Variants in CTNNA2 observed in about 807,000 individuals in gnomAD.
CTNNA2 encodes the protein catenin alpha 2, also known as catenin alpha-2.
CTNNA2 carries 42 observed loss-of-function variants against 101.0 expected under a neutral mutation model. The observed-to-expected ratio is 0.42, with a 90% confidence interval of 0.32 to 0.54. The LOEUF (loss-of-function observed/expected upper bound fraction) is 0.54, where lower values mean the gene tolerates loss of function less well. Ranked by LOEUF, CTNNA2 falls within the 20% of genes least tolerant of loss-of-function variation. The pLI, the probability that CTNNA2 is intolerant of heterozygous loss-of-function variation, is 0.14. For missense variants in CTNNA2, 871 were observed against 1,223.1 expected (o/e 0.71, Z 4.29); for synonymous variants, 450 against 456.4 (o/e 0.99, Z 0.18).
At chr2:80,621,760 A>AT (rs1671146635) in intron 18 of CTNNA2, among the ~76,000 whole-genome samples, 1 of 130,930 alleles carries the variant, frequency 7.6e-6, no homozygotes, top group African/African-American at 2.5e-5. Flanking sequence ...ACTATGGGGG[A>AT]TAAAAAAGTG....
chr2:80,323,817 C>G (rs1389990240), intron 7 of CTNNA2, among the ~76,000 whole-genome samples: 1 of 152,116 alleles, frequency 6.6e-6, no homozygotes, highest in Non-Finnish European at 1.5e-5. Flanking sequence ...TCCTAGACCA[C>G]TAGGGGTGGG....
At chr2:79,802,392 A>G (rs919877443) in intron 3 of CTNNA2, among the ~76,000 whole-genome samples, 2 of 152,304 alleles carry the variant, frequency 1.3e-5, no homozygotes, top group Non-Finnish European at 1.5e-5. Context: ...AAGTTGCCAA[A>G]TGGGTAACAT....
chr2:79,303,512 A>T (rs1676163267), intron 2 of CTNNA2, among the ~76,000 whole-genome samples: 1 of 152,110 alleles, frequency 6.6e-6, no homozygotes, highest in South Asian at 2.1e-4. Context: ...ATCCTGGTGG[A>T]CAACCTAATG....
intron 7 of CTNNA2, among the ~76,000 whole-genome samples, chr2:79,955,155 A>G (rs1402801461): frequency 6.6e-6 from 1 of 152,224 alleles, no homozygotes; most frequent in Non-Finnish European, 1.5e-5. Flanking sequence ...ATGGAGCAGT[A>G]TGACGTATTA....
chr2:80,501,221 T>G (rs1431240876), intron 9 of CTNNA2, among the ~76,000 whole-genome samples: 1 of 152,246 alleles, frequency 6.6e-6, no homozygotes, highest in African/African-American at 2.4e-5. Context: ...TAGGCCAGTA[T>G]ATGACCCATT....
intron 4 of CTNNA2, among the ~76,000 whole-genome samples, chr2:79,428,594 TA>T (rs2104508246): frequency 6.6e-6 from 1 of 151,666 alleles, no homozygotes; most frequent in African/African-American, 2.4e-5. Context: ...CAGAAACATG[TA>T]AAAAACAAAA....
chr2:79,768,756 C>T (rs1238777660), intron 3 of CTNNA2, among the ~76,000 whole-genome samples: 2 of 152,108 alleles, frequency 1.3e-5, no homozygotes, highest in East Asian at 3.9e-4. Context: ...CACACAAAGG[C>T]TTCATCTCCC....
intron 6 of CTNNA2, among the ~76,000 whole-genome samples, chr2:79,880,134 A>G (rs1406140069): frequency 6.6e-6 from 1 of 152,112 alleles, no homozygotes; most frequent in Admixed American, 6.5e-5. Context: ...TGATTTGCCT[A>G]TGTTGAACCA....
chr2:80,560,862 A>T (rs1169319475), intron 12 of CTNNA2, among the ~76,000 whole-genome samples: 1 of 152,202 alleles, frequency 6.6e-6, no homozygotes, highest in Non-Finnish European at 1.5e-5. Flanking sequence ...AGGTACCCAC[A>T]GCCTAGAATG....
chr2:79,749,037 T>C (rs997836447), intron 3 of CTNNA2, among the ~76,000 whole-genome samples: 11 of 152,124 alleles, frequency 7.2e-5, no homozygotes, highest in Non-Finnish European at 1.3e-4. Flanking sequence ...ACCATAACCA[T>C]TTGTGAAAGG....
In CTNNA2 at chr2:80,033,408, C is replaced by CA. The variant is rs908656991; in HGVS notation, c.1056+123619dup. Among the ~76,000 whole-genome samples, 8 of 151,186 alleles carry CA rather than the reference C, an allele frequency of 5.3e-5. No homozygotes were observed. The East Asian group carries it at 7.8e-4, about 15-fold the overall frequency. On this transcript the variant is annotated intron_variant, in intron 7 of 18. Coordinates refer to ENST00000402739, the MANE Select transcript of CTNNA2 (RefSeq NM_001282597.3). ...GGCAACATGGTGGACTCTGTCTCCA[C>CA]AAAAAAAATTAGAAATTAGCCAGGC... is the stretch of plus-strand genomic sequence containing the variant.
At chr2:79,896,452 G>C (rs1684721018) in intron 6 of CTNNA2, among the ~76,000 whole-genome samples, 1 of 152,116 alleles carries the variant, frequency 6.6e-6, no homozygotes, top group Non-Finnish European at 1.5e-5. Context: ...GCAAATATTA[G>C]GTTCACTGTA....
chr2:79,761,826 A>ATTT (rs2105089503), intron 3 of CTNNA2, among the ~76,000 whole-genome samples: 1 of 152,266 alleles, frequency 6.6e-6, no homozygotes, highest in South Asian at 2.1e-4. Flanking sequence ...AAAAATATTG[A>ATTT]TCTGTTTCTC....
chr2:80,292,391 A>G (rs185118874), intron 7 of CTNNA2, among the ~76,000 whole-genome samples: 205 of 152,212 alleles, frequency 1.3e-3, no homozygotes, highest in Non-Finnish European at 1.5e-3. Context: ...ACATCCTACC[A>G]TGGTAAGTGA....
At chr2:80,487,358 A>G (rs145603461) in intron 9 of CTNNA2, among the ~76,000 whole-genome samples, 2 of 152,130 alleles carry the variant, frequency 1.3e-5, no homozygotes, top group South Asian at 2.1e-4. Context: ...TCATGCTGCT[A>G]TAAAGAACTG....
chr2:79,991,521 G>A (rs1378840553), intron 7 of CTNNA2, among the ~76,000 whole-genome samples: 1 of 152,150 alleles, frequency 6.6e-6, no homozygotes, highest in Non-Finnish European at 1.5e-5. Flanking sequence ...CAGAGTTGTT[G>A]TGAATTCCAA....
chr2:80,280,025 T>G (rs1674240536), intron 7 of CTNNA2, among the ~76,000 whole-genome samples: 2 of 151,830 alleles, frequency 1.3e-5, no homozygotes, highest in African/African-American at 4.8e-5. Flanking sequence ...AAGAAGGAAA[T>G]GACATAAAGC....
rs188405903 is a variant in CTNNA2 at position 79,530,616 on chromosome 2, G to C, written c.-6+17409G>C. Among the ~76,000 whole-genome samples the C allele has an allele frequency of 4.0e-3, 610 of 152,262 alleles. 5 individuals are homozygous for C. The highest frequency in any genetic ancestry group is 4.2e-3 in the Non-Finnish European group (287 of 68,032). On this transcript the variant is annotated intron_variant, in intron 1 of 18. Coordinates refer to ENST00000402739, the MANE Select transcript of CTNNA2 (RefSeq NM_001282597.3). ...CATAGATCAGAGAGGTTAAAGAATA[G>C]AGAGGCCGCTAGAGGCCACTGTATT...
intron 1 of CTNNA2, among the ~76,000 whole-genome samples, chr2:79,616,538 C>CTGTTCTT (rs1678632018): frequency 6.6e-6 from 1 of 152,138 alleles, no homozygotes; most frequent in Admixed American, 6.5e-5. Flanking sequence ...AGAACAGGTA[C>CTGTTCTT]TGTAAAGAAG....
Sources: gnomAD v4.1 joint callset for allele counts (sites outside exome capture counted in the v4.1 genomes callset) on GRCh38, gnomAD v4.1.1 for gene constraint, MANE v1.5 for transcripts, NCBI Gene and HGNC (gene_info 2026-07-23, HGNC 2026-07-21) for gene names.